GUCY1B1: variants seen among roughly 807,000 people sequenced by gnomAD.
GUCY1B1 encodes the protein guanylate cyclase 1 soluble subunit beta 1.
Under a neutral mutation model 71.0 loss-of-function variants are expected in GUCY1B1, and 43 were observed. The observed-to-expected ratio is 0.61, with a 90% confidence interval of 0.47 to 0.78. The LOEUF (loss-of-function observed/expected upper bound fraction) is 0.78, where lower values mean the gene tolerates loss of function less well. GUCY1B1 is among the 30% of genes least tolerant of loss of function. The probability of loss-of-function intolerance (pLI) is 0.00; values close to 1 mark genes in which losing one functional copy is unlikely to be tolerated. For synonymous variants in GUCY1B1, 266 were observed against 259.7 expected, an observed-to-expected ratio of 1.02 and a Z score of -0.23; for missense variants, 535 against 754.1, an observed-to-expected ratio of 0.71 and a Z score of 3.40.
At chr4:155,774,364 T>G (rs1737898430) in intron 2 of GUCY1B1, among the ~76,000 whole-genome samples, 6 of 152,124 alleles carry the variant, frequency 3.9e-5, no homozygotes, top group Admixed American at 3.3e-4. Flanking sequence ...TCTAAATTGC[T>G]CGTGGCTTAC....
intron 6 of GUCY1B1, 55 bp from the exon 7 acceptor site, chr4:155,795,286 G>A: frequency 1.2e-5 from 10 of 831,886 alleles, no homozygotes; most frequent in Middle Eastern, 2.3e-4. Context: ...TAATATCAAA[G>A]TATAAAAACT....
intron 4 of GUCY1B1, among the ~76,000 whole-genome samples, chr4:155,781,265 A>G (rs1246787382): frequency 1.3e-5 from 2 of 152,234 alleles, no homozygotes; most frequent in Non-Finnish European, 2.9e-5. Context: ...TATCAGGATA[A>G]TACCTCTTTT....
chr4:155,763,472 G>A (rs538195672), intron 2 of GUCY1B1, among the ~76,000 whole-genome samples: 2 of 152,058 alleles, frequency 1.3e-5, no homozygotes, highest in Admixed American at 6.5e-5. Flanking sequence ...CAGATAAAAC[G>A]TTTATCTTTA....
chr4:155,791,513 G>A (rs2111118532), intron 5 of GUCY1B1, among the ~76,000 whole-genome samples: 1 of 148,860 alleles, frequency 6.7e-6, no homozygotes, highest in East Asian at 2.1e-4. Flanking sequence ...GGGGGATCAC[G>A]AGGTCAGGAG....
At chr4:155,787,514 T>A (rs1289058223) in intron 4 of GUCY1B1, among the ~76,000 whole-genome samples, 1 of 152,210 alleles carries the variant, frequency 6.6e-6, no homozygotes, top group Non-Finnish European at 1.5e-5. Context: ...GAAGTATTTT[T>A]AACTCCATTC....
chr4:155,788,037 T>G (rs1738915265), intron 4 of GUCY1B1, among the ~76,000 whole-genome samples: 1 of 152,244 alleles, frequency 6.6e-6, no homozygotes, highest in South Asian at 2.1e-4. Context: ...ACTACTTGCT[T>G]GGTGTATTTG....
chr4:155,791,167 T>C (rs916820903), intron 5 of GUCY1B1, among the ~76,000 whole-genome samples: 2 of 150,862 alleles, frequency 1.3e-5, no homozygotes, highest in Admixed American at 6.6e-5. Flanking sequence ...CAGGCTGGAG[T>C]GCAGTGGCGC....
Position 155,799,935 on chromosome 4 carries a change from CATGA to C in GUCY1B1, c.1037_1040del (p.His346LeufsTer34). 6.2e-7 allele frequency: 1 copy of C among 1,612,790 alleles called. No homozygotes were observed. The highest frequency in any genetic ancestry group is 8.5e-7 in the Non-Finnish European group (1 of 1,178,888). On this transcript the variant is annotated frameshift_variant, in exon 9 of 14. Transcript: ENST00000264424. LOFTEE classifies it high-confidence loss of function. Reference sequence around the variant, plus strand: ...GCTGTATCTAAGTGACATCCCTCTGCATGATGCCACGCGCGATCTTGTTCTTTTG... The same window carrying C: ...GCTGTATCTAAGTGACATCCCTCTGCTGCCACGCGCGATCTTGTTCTTTTG...
chr4:155,770,455 T>C (rs1004072724), intron 2 of GUCY1B1, among the ~76,000 whole-genome samples: 2 of 152,232 alleles, frequency 1.3e-5, no homozygotes, highest in African/African-American at 4.8e-5. Flanking sequence ...AAAAGTTGTA[T>C]TGAGAATTGA....
At chr4:155,788,019 A>G (rs1738914054) in intron 4 of GUCY1B1, among the ~76,000 whole-genome samples, 1 of 152,192 alleles carries the variant, frequency 6.6e-6, no homozygotes, top group Non-Finnish European at 1.5e-5. Flanking sequence ...ACCAGTTGTG[A>G]ATAGATTACT....
Position 155,803,687 on chromosome 4 carries a change from G to T in GUCY1B1, c.1477G>T (p.Ala493Ser). 6.2e-7 allele frequency: 1 copy of T among 1,604,808 alleles called. No homozygotes were observed. Among genetic ancestry groups the T allele is most frequent in the East Asian group, 2.2e-5 (1 of 44,536 alleles). ...SGLPEPCIHH[A>S]RSICHLALDM... ...TTTACCAGAGCCATGCATTCACCATGCACGATCCATCTGCCACCTGGCCTT... is the reference window on the plus strand; with the variant it reads ...TTTACCAGAGCCATGCATTCACCATTCACGATCCATCTGCCACCTGGCCTT... Residue 493 changes from alanine (A) to serine (S), a missense_variant, in exon 11 of 14, where the codon GCA becomes TCA. Transcript: ENST00000264424.
At chr4:155,781,444 C>A (rs1057303608) in intron 4 of GUCY1B1, among the ~76,000 whole-genome samples, 22 of 152,200 alleles carry the variant, frequency 1.4e-4, no homozygotes, top group African/African-American at 4.8e-4. Flanking sequence ...CAATTCATGA[C>A]CCTGCTTATG....
chr4:155,759,741 A>C (rs769448692), intron 1 of GUCY1B1, 46 bp from the exon 2 acceptor site: 1 of 1,434,218 alleles, frequency 7.0e-7, no homozygotes. Context: ...GCCGCTTCTC[A>C]GGTACAGCGG....
Position 155,804,693 on chromosome 4 carries a change from G to T in GUCY1B1, c.1655G>T (p.Arg552Leu). The T allele has an allele frequency of 6.2e-7, 1 of 1,613,266 alleles. No individual in the cohort carries two copies. Among genetic ancestry groups the T allele is most frequent in the Non-Finnish European group, 8.5e-7 (1 of 1,179,496 alleles). Reference sequence around the variant, plus strand: ...GGGAATACTGTCAACCTCACAAGCCGAACAGAAACCACAGGAGAAAAGGGA... The same window carrying T: ...GGGAATACTGTCAACCTCACAAGCCTAACAGAAACCACAGGAGAAAAGGGA... ...LFGNTVNLTS[R>L]TETTGEKGKI... The change falls in exon 12 of 14, where the codon CGA becomes CTA. Residue 552 changes from arginine to leucine, a missense_variant. Transcript: ENST00000264424.
rs1213220279 is a variant in GUCY1B1 at position 155,799,945 on chromosome 4, C to T, written c.1046C>T (p.Thr349Met). 17 of 1,612,994 alleles carry T rather than the reference C, an allele frequency of 1.1e-5. No individual in the cohort carries two copies. The highest frequency in any genetic ancestry group is 2.2e-5 in the East Asian group (1 of 44,872). Residue 349 changes from threonine (T) to methionine (M), a missense_variant, in exon 9 of 14, where the codon ACG (threonine) becomes ATG (methionine). Transcript: ENST00000264424. ...YLSDIPLHDA[T>M]RDLVLLGEQF... ...AGTGACATCCCTCTGCATGATGCCA[C>T]GCGCGATCTTGTTCTTTTGGGAGAA...
At chr4:155,759,995 C>T (rs1030099239) in intron 2 of GUCY1B1, 135 bp downstream of exon 2, 1 of 617,164 alleles carries the variant, frequency 1.6e-6, no homozygotes, top group Non-Finnish European at 2.8e-6. Context: ...GCCTCGCTCC[C>T]GGCTCGCTGC....
At chr4:155,801,846 A>T (rs796356599) in intron 9 of GUCY1B1, among the ~76,000 whole-genome samples, 2 of 152,224 alleles carry the variant, frequency 1.3e-5, no homozygotes, top group Admixed American at 6.5e-5. Flanking sequence ...GGAGTGAGGC[A>T]TGAATGAGAC....
At chr4:155,768,608 A>C (rs1156681158) in intron 2 of GUCY1B1, among the ~76,000 whole-genome samples, 1 of 152,026 alleles carries the variant, frequency 6.6e-6, no homozygotes, top group African/African-American at 2.4e-5. Flanking sequence ...TGGGTTAGGC[A>C]CCAGTAATTA....
intron 2 of GUCY1B1, among the ~76,000 whole-genome samples, chr4:155,771,323 A>G (rs1737681595): frequency 6.6e-6 from 1 of 152,206 alleles, no homozygotes; most frequent in Non-Finnish European, 1.5e-5. Context: ...TATTTTAATA[A>G]AGAGAGAGAA....
Sources: gnomAD v4.1 joint callset for allele counts (sites outside exome capture counted in the v4.1 genomes callset) on GRCh38, gnomAD v4.1.1 for gene constraint, MANE v1.5 for transcripts, NCBI Gene and HGNC (gene_info 2026-07-23, HGNC 2026-07-21) for gene names.